The following IFT80 variants were observed in gnomAD, a reference collection of about 807,000 sequenced individuals.
The protein encoded by IFT80 is intraflagellar transport 80.
Under a neutral mutation model 107.9 loss-of-function variants are expected in IFT80, and 79 were observed. The observed-to-expected ratio is 0.73, with a 90% CI of 0.61 to 0.88. The LOEUF (loss-of-function observed/expected upper bound fraction) is 0.88, where lower values mean the gene tolerates loss of function less well. IFT80 is among the 40% of genes least tolerant of loss of function. The pLI is 0.00. For synonymous variants in IFT80, 299 were observed against 300.9 expected (o/e 0.99, Z 0.07); for missense variants, 797 against 914.2 (o/e 0.87, Z 1.65).
intron 16 of IFT80, among the ~76,000 whole-genome samples, chr3:160,278,296 C>A (rs970524136): frequency 6.6e-6 from 1 of 152,152 alleles, no homozygotes; most frequent in Non-Finnish European, 1.5e-5. Flanking sequence ...TCTCTTTTTG[C>A]CAGCCATCTG....
At position 160,377,497 on chromosome 3, in the gene IFT80, A is replaced by G. The variant is rs200940844; in HGVS notation, c.303T>C (p.Ser101=). Reference sequence around the variant, plus strand: ...GTACTGCTCCACAGTGAGCTTCTACACTTTTTTCCACTCTTCCTAACTTGG... The same window carrying G: ...GTACTGCTCCACAGTGAGCTTCTACGCTTTTTTCCACTCTTCCTAACTTGG... ...LISKLGRVEK[S]VEAHCGAVLA... The change falls in exon 4 of 20, where the codon AGT becomes AGC. Residue 101 remains serine (S), a synonymous_variant. Transcript: ENST00000326448. 33 of 1,609,776 alleles carry G rather than the reference A, an allele frequency of 2.0e-5. No individual in the cohort carries two copies. Among genetic ancestry groups the G allele is most frequent in the Non-Finnish European group, 2.0e-5 (23 of 1,177,244 alleles).
chr3:160,343,168 T>C (rs1720041668), intron 8 of IFT80, among the ~76,000 whole-genome samples: 1 of 152,212 alleles, frequency 6.6e-6, no homozygotes. Context: ...CTTACATTCA[T>C]TTAGGGCACA....
chr3:160,390,754 T>A (rs1343435262), intron 1 of IFT80, among the ~76,000 whole-genome samples: 1 of 152,236 alleles, frequency 6.6e-6, no homozygotes, highest in Non-Finnish European at 1.5e-5. Flanking sequence ...AAGGCATTAA[T>A]AATACTGAAA....
rs1720236755 is a variant in IFT80, at chr3:160,345,671, G to A, written c.777+10342C>T. Among the ~76,000 whole-genome samples the A allele has an allele frequency of 4.8e-5, 7 of 145,734 alleles. No individual in the cohort carries two copies. In the Admixed American group the frequency reaches 4.9e-4, roughly 10 times the overall value. On this transcript the variant is annotated intron_variant, in intron 8 of 19. Transcript: ENST00000326448. ...ATTGCTCCATTGCACTCCAGCCTTGGCGAGAGAGCAAGACTCTGTCTCAAA... is the reference window on the plus strand; with the variant it reads ...ATTGCTCCATTGCACTCCAGCCTTGACGAGAGAGCAAGACTCTGTCTCAAA...
At chr3:160,343,988 G>A (rs947654194) in intron 8 of IFT80, among the ~76,000 whole-genome samples, 20 of 152,114 alleles carry the variant, frequency 1.3e-4, no homozygotes, top group African/African-American at 3.9e-4. Flanking sequence ...TAATAGCTAT[G>A]TCAAAAGTTT....
At chr3:160,312,545 A>C (rs1203669283) in intron 9 of IFT80, among the ~76,000 whole-genome samples, 3 of 122,912 alleles carry the variant, frequency 2.4e-5, no homozygotes, top group African/African-American at 9.2e-5. Flanking sequence ...AGAGATCTTT[A>C]TCTTGTGTTT....
At chr3:160,317,710 G>A (rs896308415) in intron 9 of IFT80, among the ~76,000 whole-genome samples, 4 of 152,040 alleles carry the variant, frequency 2.6e-5, no homozygotes, top group African/African-American at 9.7e-5. Flanking sequence ...AAGATAGAGG[G>A]ACATGTCAAA....
At chr3:160,393,008 G>C (rs1225432359) in intron 1 of IFT80, among the ~76,000 whole-genome samples, 1 of 152,176 alleles carries the variant, frequency 6.6e-6, no homozygotes, top group Non-Finnish European at 1.5e-5. Context: ...GGAGCTTAAA[G>C]TTACAGTGAG....
intron 14 of IFT80, among the ~76,000 whole-genome samples, chr3:160,282,233 T>G (rs1433372738): frequency 6.6e-6 from 1 of 152,180 alleles, no homozygotes; most frequent in Non-Finnish European, 1.5e-5. Context: ...GTGACCTTGA[T>G]CTTGCCACTC....
chr3:160,332,786 G>A (rs1174130469), intron 8 of IFT80, among the ~76,000 whole-genome samples: 1 of 152,116 alleles, frequency 6.6e-6, no homozygotes, highest in Non-Finnish European at 1.5e-5. Flanking sequence ...ATCTTCTAAT[G>A]TTTTCTTCAC....
At chr3:160,273,292 C>A (rs1460560919) in intron 18 of IFT80, among the ~76,000 whole-genome samples, 3 of 152,094 alleles carry the variant, frequency 2.0e-5, no homozygotes, top group Admixed American at 1.3e-4. Context: ...CTGAAGTGGG[C>A]TTTATTGAAG....
chr3:160,294,663 T>C (rs1003419762), intron 12 of IFT80, among the ~76,000 whole-genome samples: 2 of 152,248 alleles, frequency 1.3e-5, no homozygotes, highest in Admixed American at 6.5e-5. Flanking sequence ...TGTGGCCTTA[T>C]TGTAAAATAT....
chr3:160,312,203 G>C (rs531847753), intron 9 of IFT80, among the ~76,000 whole-genome samples: 2 of 152,248 alleles, frequency 1.3e-5, no homozygotes, highest in South Asian at 4.1e-4. Context: ...TATGTGAATG[G>C]TGCCCTCTGG....
intron 12 of IFT80, among the ~76,000 whole-genome samples, chr3:160,300,624 A>G (rs920362997): frequency 2.0e-5 from 3 of 152,128 alleles, no homozygotes; most frequent in Non-Finnish European, 4.4e-5. Flanking sequence ...ACCAACAGCT[A>G]CTGAATATAT....
At chr3:160,271,154 A>G (rs1713777314) in intron 18 of IFT80, among the ~76,000 whole-genome samples, 2 of 152,274 alleles carry the variant, frequency 1.3e-5, no homozygotes, top group South Asian at 2.1e-4. Context: ...GCTATTTTAA[A>G]TGTTCTCTAA....
intron 9 of IFT80, among the ~76,000 whole-genome samples, chr3:160,317,892 C>G (rs975279660): frequency 8.6e-5 from 13 of 151,924 alleles, no homozygotes; most frequent in Non-Finnish European, 1.8e-4. Context: ...AAAACTGGAT[C>G]CTGATTCAAA....
At chr3:160,341,773 CAGAGACAAA>C (rs1719915876) in intron 8 of IFT80, among the ~76,000 whole-genome samples, 1 of 152,196 alleles carries the variant, frequency 6.6e-6, no homozygotes, top group Non-Finnish European at 1.5e-5. Flanking sequence ...CAGACAGAAG[CAGAGACAAA>C]AGAGACAAAG....
intron 19 of IFT80, among the ~76,000 whole-genome samples, chr3:160,264,902 C>T (rs563040817): frequency 1.3e-5 from 2 of 152,254 alleles, no homozygotes; most frequent in South Asian, 4.1e-4. Flanking sequence ...TCATCTCCTA[C>T]CCAACCTCTA....
chr3:160,398,279 AC>A (rs1447641672), intron 1 of IFT80, among the ~76,000 whole-genome samples: 3 of 152,256 alleles, frequency 2.0e-5, no homozygotes, highest in Non-Finnish European at 2.9e-5. Flanking sequence ...GAATCACTGA[AC>A]CTGACTTCAT....
Sources: allele counts gnomAD v4.1 joint callset (sites outside exome capture counted in the v4.1 genomes callset), GRCh38; gene constraint gnomAD v4.1.1; transcripts MANE v1.5; gene names NCBI Gene and HGNC (gene_info 2026-07-23, HGNC 2026-07-21).